The following SHROOM4 variants were observed in gnomAD, a reference collection of about 807,000 sequenced individuals.
SHROOM4 encodes the protein shroom family member 4, also known as protein Shroom4.
SHROOM4 carries 17 observed loss-of-function variants against 80.3 expected under a neutral mutation model. The ratio of observed to expected loss-of-function variants is 0.21; its 90% CI spans 0.14 to 0.32. The LOEUF (loss-of-function observed/expected upper bound fraction) is 0.32, where lower values mean the gene tolerates loss of function less well. Among genes scored for constraint, SHROOM4 ranks in the 10% least tolerant of loss-of-function variants. The probability of loss-of-function intolerance (pLI) is 1.00; values close to 1 mark genes in which losing one functional copy is unlikely to be tolerated. For synonymous variants in SHROOM4, 400 were observed against 437.5 expected (o/e 0.91, Z 1.07); for missense variants, 993 against 1,140.3 (o/e 0.87, Z 1.86).
At chrX:50,726,334 A>T (rs1442038174) in intron 1 of SHROOM4, among the ~76,000 whole-genome samples, 1 of 112,582 alleles carries the variant, frequency 8.9e-6, no homozygotes, top group Non-Finnish European at 1.9e-5. Context: ...ATGCAGTAGA[A>T]GAGAAAAACC....
chrX:50,746,424 C>T (rs1557267610), intron 1 of SHROOM4, among the ~76,000 whole-genome samples: 1 of 111,551 alleles, frequency 9.0e-6, no homozygotes, highest in Non-Finnish European at 1.9e-5. Context: ...TTCTTTTTGC[C>T]TCTAGGTCAA....
chrX:50,616,974 C>G (rs1330421954), intron 5 of SHROOM4, among the ~76,000 whole-genome samples: 1 of 111,895 alleles, frequency 8.9e-6, no homozygotes, highest in Non-Finnish European at 1.9e-5. Context: ...TCCTCAAAGG[C>G]AACAATTGGG....
intron 3 of SHROOM4, 70 bp downstream of exon 3, chrX:50,638,104 G>C: frequency 1.7e-6 from 2 of 1,143,512 alleles, no homozygotes; most frequent in Middle Eastern, 2.4e-4. Flanking sequence ...ACAGGGACTA[G>C]AGCAGAGGAG....
chrX:50,712,380 C>T (rs1198739867), intron 1 of SHROOM4, among the ~76,000 whole-genome samples: 14 of 111,596 alleles, frequency 1.3e-4, no homozygotes, highest in African/African-American at 2.9e-4. Flanking sequence ...TTCTACAACA[C>T]GGAGACTATA....
intron 1 of SHROOM4, among the ~76,000 whole-genome samples, chrX:50,731,079 A>G (rs1389552334): frequency 9.0e-6 from 1 of 111,070 alleles, no homozygotes; most frequent in East Asian, 2.8e-4. Flanking sequence ...TATTATTGGG[A>G]GATTGAGTTC....
intron 1 of SHROOM4, among the ~76,000 whole-genome samples, chrX:50,771,356 G>C (rs781941550): frequency 1.8e-5 from 2 of 112,124 alleles, no homozygotes; most frequent in South Asian, 7.5e-4. Flanking sequence ...TGAACATTTG[G>C]CTGGAAGCAG....
rs782639551 is a variant in SHROOM4, at chrX:50,592,250, C to T, written c.*4445G>A. On this transcript the variant is annotated 3_prime_UTR_variant, in exon 9 of 9. Transcript: ENST00000376020. ...AGTACTTCCCATGCTGTAATATGTTCATGAATCTCCTGGAAATCTAGTTAA... is the reference window on the plus strand; with the variant it reads ...AGTACTTCCCATGCTGTAATATGTTTATGAATCTCCTGGAAATCTAGTTAA... 3.2e-6 allele frequency: 1 copy of T among 310,871 alleles called. No individual in the cohort carries two copies. The highest frequency in any genetic ancestry group is 2.8e-5 in the South Asian group (1 of 35,259). The allele number at this position is 310,871 out of a possible 1,213,427, so 25.6% of individuals were successfully genotyped here.
rs188456098 is a variant in SHROOM4, at chrX:50,683,908, A to C, written c.269+11878T>G. On this transcript the variant is annotated intron_variant, in intron 2 of 8. Coordinates refer to ENST00000376020, the MANE Select transcript of SHROOM4 (RefSeq NM_020717.5). ...AGAAACTTGTGCAGAACTTCAGAGA[A>C]TATTAATACATAAGGGGCAAGTAGA... Among the ~76,000 whole-genome samples the C allele has an allele frequency of 3.7e-3, 417 of 111,736 alleles. 2 individuals are homozygous for C. The highest frequency in any genetic ancestry group is 0.013 in the African/African-American group (387 of 30,763).
chrX:50,747,537 C>G (rs1486712383), intron 1 of SHROOM4, among the ~76,000 whole-genome samples: 1 of 111,772 alleles, frequency 8.9e-6, no homozygotes, highest in Non-Finnish European at 1.9e-5. Flanking sequence ...AAATAGCTAT[C>G]CATGGAATGT....
Position 50,803,144 on chromosome X carries a change from C to T in SHROOM4, c.117+10758G>A, listed in dbSNP as rs1936162088. The stretch of plus-strand genomic sequence containing the variant: ...GGCGGAGGTTGCAGTGAGCCGAGAT[C>T]ACGCCACTGCACTCCAGCCTGGCAA... On this transcript the variant is annotated intron_variant, in intron 1 of 8. Coordinates refer to ENST00000376020, the MANE Select transcript of SHROOM4 (RefSeq NM_020717.5). 2.7e-5 allele frequency among the ~76,000 whole-genome samples: 3 copies of T among 111,968 alleles called. No individual in the cohort carries two copies. In the Admixed American group the frequency reaches 2.8e-4, roughly 11 times the overall value.
In SHROOM4 at chrX:50,718,911, C is replaced by T. The variant is rs782090485; in HGVS notation, c.118-22974G>A. Among the ~76,000 whole-genome samples the T allele has an allele frequency of 1.1e-4, 12 of 111,494 alleles. No homozygotes were observed. The South Asian group carries it at 3.0e-3, about 28-fold the overall frequency. On this transcript the variant is annotated intron_variant, in intron 1 of 8. Coordinates refer to ENST00000376020, the MANE Select transcript of SHROOM4 (RefSeq NM_020717.5). ...ACACACACACATGCATGCTTGTGTG[C>T]AGATCCTGCTTCAGTATGTATACTC...
intron 5 of SHROOM4, among the ~76,000 whole-genome samples, chrX:50,612,595 C>T (rs1382911866): frequency 9.0e-6 from 1 of 111,510 alleles, no homozygotes; most frequent in Non-Finnish European, 1.9e-5. Flanking sequence ...AGAGACCCAT[C>T]TCATCTGAGA....
chrX:50,730,456 A>G (rs1934343368), intron 1 of SHROOM4, among the ~76,000 whole-genome samples: 1 of 110,006 alleles, frequency 9.1e-6, no homozygotes, highest in Non-Finnish European at 1.9e-5. Context: ...TAAATCAAAT[A>G]AAAAAATAAA....
chrX:50,794,157 C>T (rs1217559183), intron 1 of SHROOM4, among the ~76,000 whole-genome samples: 1 of 111,717 alleles, frequency 9.0e-6, no homozygotes, highest in Admixed American at 9.5e-5. Context: ...CCAGCCAGTG[C>T]ATCAACATAA....
At chrX:50,623,361 T>C (rs1272295710) in intron 5 of SHROOM4, among the ~76,000 whole-genome samples, 1 of 110,810 alleles carries the variant, frequency 9.0e-6, no homozygotes, top group Non-Finnish European at 1.9e-5. Flanking sequence ...CTAATTTTTA[T>C]ATTTTTAGTA....
At chrX:50,761,015 T>C (rs1557268827) in intron 1 of SHROOM4, among the ~76,000 whole-genome samples, 1 of 112,071 alleles carries the variant, frequency 8.9e-6, no homozygotes, top group East Asian at 2.8e-4. Flanking sequence ...TTTTAATTTC[T>C]TTATTAAATT....
At chrX:50,792,809 A>G (rs1013224476) in intron 1 of SHROOM4, among the ~76,000 whole-genome samples, 7 of 106,710 alleles carry the variant, frequency 6.6e-5, no homozygotes, top group Non-Finnish European at 1.2e-4. Flanking sequence ...TTGAGAAAAG[A>G]TAAGTGTTGG....
intron 1 of SHROOM4, among the ~76,000 whole-genome samples, chrX:50,810,875 C>T (rs1053041554): frequency 1.8e-5 from 2 of 112,267 alleles, no homozygotes; most frequent in African/African-American, 6.5e-5. Flanking sequence ...CTGACTGCCT[C>T]ACAGTGTAGC....
intron 1 of SHROOM4, among the ~76,000 whole-genome samples, chrX:50,812,793 A>G (rs1049186106): frequency 3.6e-5 from 4 of 111,367 alleles, no homozygotes; most frequent in Admixed American, 2.8e-4. Context: ...CTGAAAAGAC[A>G]CATCTTTCTA....
Sources: gnomAD v4.1 joint callset for allele counts (sites outside exome capture counted in the v4.1 genomes callset) on GRCh38, gnomAD v4.1.1 for gene constraint, MANE v1.5 for transcripts, NCBI Gene and HGNC (gene_info 2026-07-23, HGNC 2026-07-21) for gene names.